Variants in LSAMP observed in about 807,000 individuals in gnomAD.
The protein encoded by LSAMP is limbic system-associated membrane protein.
Under a neutral mutation model 38.6 loss-of-function variants are expected in LSAMP, and 7 were observed. The ratio of observed to expected loss-of-function variants is 0.18; its 90% confidence interval spans 0.10 to 0.34. LSAMP has a LOEUF of 0.34. LSAMP is among the 10% of genes least tolerant of loss of function. LSAMP has a pLI of 1.00. For missense variants in LSAMP, 313 were observed against 420.0 expected, an observed-to-expected ratio of 0.75 and a Z score of 2.23; for synonymous variants, 154 against 166.8, an observed-to-expected ratio of 0.92 and a Z score of 0.59.
At chr3:115,998,883 C>T (rs1939905037) in intron 3 of LSAMP, among the ~76,000 whole-genome samples, 1 of 151,994 alleles carries the variant, frequency 6.6e-6, no homozygotes, top group African/African-American at 2.4e-5. Flanking sequence ...TTAAGAGAGC[C>T]AGGAATTATA....
intron 1 of LSAMP, among the ~76,000 whole-genome samples, chr3:116,316,684 T>C (rs1420320643): frequency 1.8e-4 from 27 of 148,068 alleles, no homozygotes; most frequent in Non-Finnish European, 1.8e-4. Context: ...AGCAGGAGAA[T>C]CGTTTGAACC....
rs56909173 is a variant in LSAMP at position 116,408,189 on chromosome 3, T to A, written c.155+36688A>T. On this transcript the variant is annotated intron_variant, in intron 1 of 6. Transcript: ENST00000490035. ...ATGTCATTTAAATTTTATGTAATGATTATATATTGCCTACAATTGGAAAAT... is the reference window on the plus strand; with the variant it reads ...ATGTCATTTAAATTTTATGTAATGAATATATATTGCCTACAATTGGAAAAT... Among the ~76,000 whole-genome samples, 1,149 of 152,190 alleles carry A rather than the reference T, an allele frequency of 7.5e-3. 25 individuals are homozygous for A. The highest frequency in any genetic ancestry group is 0.026 in the African/African-American group (1,078 of 41,550).
chr3:116,384,439 T>A (rs1314657503), intron 1 of LSAMP, among the ~76,000 whole-genome samples: 14 of 152,138 alleles, frequency 9.2e-5, no homozygotes. Context: ...TGAATCAGAA[T>A]TTTTGGAAGT....
chr3:116,247,456 T>C (rs1576458194), intron 1 of LSAMP, among the ~76,000 whole-genome samples: 3 of 152,356 alleles, frequency 2.0e-5, no homozygotes, highest in African/African-American at 7.2e-5. Flanking sequence ...AAAAAGTATT[T>C]AAGAATGTTT....
chr3:116,270,937 A>AGATT (rs755671313), intron 1 of LSAMP, among the ~76,000 whole-genome samples: 17 of 152,146 alleles, frequency 1.1e-4, no homozygotes, highest in Non-Finnish European at 2.1e-4. Flanking sequence ...TTACTTCTCC[A>AGATT]GATTTCAATT....
intron 1 of LSAMP, among the ~76,000 whole-genome samples, chr3:116,103,482 A>AAG (rs1422005252): frequency 4.6e-4 from 69 of 150,258 alleles, no homozygotes; most frequent in African/African-American, 1.7e-3. Context: ...AAAAAAAAAA[A>AAG]AAAAAAGAAA....
At chr3:116,240,392 G>T in intron 1 of LSAMP, among the ~76,000 whole-genome samples, 1 of 152,056 alleles carries the variant, frequency 6.6e-6, no homozygotes, top group Non-Finnish European at 1.5e-5. Context: ...AAGGTCAGGG[G>T]AGCAATCCAC....
chr3:116,358,889 G>A (rs2107775836), intron 1 of LSAMP, among the ~76,000 whole-genome samples: 1 of 152,270 alleles, frequency 6.6e-6, no homozygotes, highest in East Asian at 1.9e-4. Flanking sequence ...ATCAAAAAGT[G>A]TTTTTGTAAT....
chr3:116,033,829 C>T (rs904055618), intron 2 of LSAMP, among the ~76,000 whole-genome samples: 7 of 152,010 alleles, frequency 4.6e-5, no homozygotes, highest in African/African-American at 1.7e-4. Flanking sequence ...GTGGGGAGAA[C>T]GTGATGCAGA....
intron 2 of LSAMP, among the ~76,000 whole-genome samples, chr3:116,055,127 G>C (rs962366588): frequency 1.3e-5 from 2 of 152,120 alleles, no homozygotes; most frequent in Admixed American, 1.3e-4. Flanking sequence ...CAATTTTTCT[G>C]TGTGTTACTC....
intron 3 of LSAMP, among the ~76,000 whole-genome samples, chr3:115,943,203 G>A (rs567791261): frequency 1.3e-5 from 2 of 152,266 alleles, no homozygotes; most frequent in South Asian, 4.1e-4. Flanking sequence ...CACTGGACTC[G>A]TGTCAGAGAG....
intron 1 of LSAMP, among the ~76,000 whole-genome samples, chr3:116,374,337 T>C (rs907304501): frequency 1.3e-5 from 2 of 151,902 alleles, no homozygotes; most frequent in African/African-American, 4.8e-5. Flanking sequence ...CATGGAGACA[T>C]TTGATTTTCA....
chr3:115,864,803 G>A (rs1178086544), intron 3 of LSAMP, among the ~76,000 whole-genome samples: 1 of 152,168 alleles, frequency 6.6e-6, no homozygotes, highest in African/African-American at 2.4e-5. Context: ...TGGATAGAGA[G>A]AGCTAACTAA....
At chr3:116,179,596 A>C (rs1576414992) in intron 1 of LSAMP, among the ~76,000 whole-genome samples, 1 of 152,266 alleles carries the variant, frequency 6.6e-6, no homozygotes, top group East Asian at 1.9e-4. Flanking sequence ...AAGGGGAAGC[A>C]GGCATGTCTT....
At chr3:115,979,915 T>A (rs1324985465) in intron 3 of LSAMP, among the ~76,000 whole-genome samples, 1 of 152,150 alleles carries the variant, frequency 6.6e-6, no homozygotes, top group Non-Finnish European at 1.5e-5. Context: ...TAGTGAGGCT[T>A]ATAATTTTTC....
intron 3 of LSAMP, among the ~76,000 whole-genome samples, chr3:115,995,705 C>A (rs1164610522): frequency 6.6e-6 from 1 of 152,036 alleles, no homozygotes; most frequent in Non-Finnish European, 1.5e-5. Context: ...ATTGACTTTA[C>A]ATGTTAGTAA....
intron 3 of LSAMP, among the ~76,000 whole-genome samples, chr3:115,974,274 G>A (rs1365466623): frequency 6.6e-6 from 1 of 152,098 alleles, no homozygotes; most frequent in Non-Finnish European, 1.5e-5. Flanking sequence ...AACCCGGGAA[G>A]AGGGAGTTGC....
intron 1 of LSAMP, among the ~76,000 whole-genome samples, chr3:116,250,698 CAA>C (rs3974284): frequency 7.0e-6 from 1 of 141,880 alleles, no homozygotes; most frequent in Non-Finnish European, 1.5e-5. Context: ...CTTGTATCTA[CAA>C]AAAAAAAAAA....
intron 3 of LSAMP, among the ~76,000 whole-genome samples, chr3:115,977,749 T>A (rs983056253): frequency 2.3e-4 from 30 of 130,534 alleles, no homozygotes; most frequent in Admixed American, 3.0e-4. Flanking sequence ...AAAAAAAAAA[T>A]CTTTGTCTTT....
Sources: allele counts gnomAD v4.1 joint callset (sites outside exome capture counted in the v4.1 genomes callset), GRCh38; gene constraint gnomAD v4.1.1; transcripts MANE v1.5; gene names NCBI Gene and HGNC (gene_info 2026-07-23, HGNC 2026-07-21).